Variants in ATP8A1 observed in about 807,000 individuals in gnomAD.
The protein encoded by ATP8A1 is phospholipid-transporting ATPase IA.
ATP8A1 carries 90 observed loss-of-function variants against 177.7 expected under a neutral mutation model. The ratio of observed to expected loss-of-function variants is 0.51; its 90% CI spans 0.43 to 0.60. The LOEUF (loss-of-function observed/expected upper bound fraction) is 0.60. ATP8A1 is among the 20% of genes least tolerant of loss of function. The pLI, the probability that ATP8A1 is intolerant of heterozygous loss-of-function variation, is 0.00. For missense variants in ATP8A1, 1,072 were observed against 1,392.8 expected (o/e 0.77, Z 3.67); for synonymous variants, 493 against 485.9 (o/e 1.01, Z -0.19).
chr4:42,605,507 C>T (rs1340580251), intron 5 of ATP8A1, among the ~76,000 whole-genome samples: 1 of 152,172 alleles, frequency 6.6e-6, no homozygotes, highest in Non-Finnish European at 1.5e-5. Flanking sequence ...TTCTCAGATC[C>T]AACAGATTAT....
chr4:42,555,222 A>G (rs867446079), intron 16 of ATP8A1, among the ~76,000 whole-genome samples: 10 of 148,736 alleles, frequency 6.7e-5, no homozygotes, highest in Non-Finnish European at 1.3e-4. Flanking sequence ...CCCCCCCTAG[A>G]GAACCCTAAT....
At chr4:42,624,991 T>C (rs983267645) in intron 3 of ATP8A1, 3 of 149,550 alleles carry the variant, frequency 2.0e-5, no homozygotes, top group African/African-American at 7.8e-5. Context: ...AACAAAACAA[T>C]AGGTATTCTA....
intron 33 of ATP8A1, among the ~76,000 whole-genome samples, chr4:42,435,969 C>A (rs886977406): frequency 6.6e-6 from 1 of 152,120 alleles, no homozygotes; most frequent in Non-Finnish European, 1.5e-5. Context: ...TTCTCCTTCC[C>A]ATTCCCTGGC....
chr4:42,569,268 TA>T, intron 14 of ATP8A1, 63 bp from the exon 15 acceptor site: 2 of 1,330,638 alleles, frequency 1.5e-6, no homozygotes, highest in East Asian at 2.5e-5. Context: ...GCTGGAAACA[TA>T]AAACCACGAA....
chr4:42,616,667 G>A (rs1012364128), intron 4 of ATP8A1, among the ~76,000 whole-genome samples: 2 of 152,070 alleles, frequency 1.3e-5, no homozygotes, highest in Admixed American at 6.5e-5. Flanking sequence ...ACTTGCAACC[G>A]AAAGCCATTG....
chr4:42,462,700 A>C (rs898102086), intron 27 of ATP8A1, among the ~76,000 whole-genome samples: 2 of 152,210 alleles, frequency 1.3e-5, no homozygotes, highest in African/African-American at 4.8e-5. Context: ...AGCTGTGAGA[A>C]GAGGGCCACT....
chr4:42,477,663 C>A (rs545274106), intron 25 of ATP8A1, among the ~76,000 whole-genome samples: 3 of 151,992 alleles, frequency 2.0e-5, no homozygotes, highest in African/African-American at 7.3e-5. Context: ...AGTGTAATAA[C>A]AAGCAGTGAT....
intron 1 of ATP8A1, among the ~76,000 whole-genome samples, chr4:42,627,572 C>T (rs1192267919): frequency 6.6e-6 from 1 of 152,166 alleles, no homozygotes; most frequent in Non-Finnish European, 1.5e-5. Flanking sequence ...AAATAGAGAA[C>T]TGCAACAATG....
At chr4:42,560,917 A>G (rs1038721275) in intron 15 of ATP8A1, among the ~76,000 whole-genome samples, 7 of 152,114 alleles carry the variant, frequency 4.6e-5, no homozygotes, top group Non-Finnish European at 1.0e-4. Flanking sequence ...TTCCCATTTA[A>G]CAAGTTTTAA....
chr4:42,540,213 A>C (rs1449229378), intron 20 of ATP8A1, among the ~76,000 whole-genome samples: 4 of 152,160 alleles, frequency 2.6e-5, no homozygotes, highest in African/African-American at 9.7e-5. Flanking sequence ...TCAGAGGCAA[A>C]TCAAAACCAC....
At chr4:42,531,714 A>C (rs2153201598) in intron 20 of ATP8A1, among the ~76,000 whole-genome samples, 1 of 152,364 alleles carries the variant, frequency 6.6e-6, no homozygotes, top group Admixed American at 6.5e-5. Context: ...GAATTCAGTC[A>C]AGTTGCAGGA....
intron 20 of ATP8A1, among the ~76,000 whole-genome samples, chr4:42,525,515 T>C (rs561733471): frequency 6.6e-6 from 1 of 152,364 alleles, no homozygotes; most frequent in South Asian, 2.1e-4. Context: ...TGTGTCACTT[T>C]AGCTTTAAGA....
intron 25 of ATP8A1, among the ~76,000 whole-genome samples, chr4:42,475,492 A>C (rs76389525): frequency 0.21 from 1,706 of 7,984 alleles, 15 homozygotes; most frequent in Non-Finnish European, 0.47. Flanking sequence ...AATATCAGAC[A>C]AAAAAAAAAA....
At chr4:42,477,709 C>T (rs1399383426) in intron 25 of ATP8A1, among the ~76,000 whole-genome samples, 1 of 151,320 alleles carries the variant, frequency 6.6e-6, no homozygotes, top group African/African-American at 2.4e-5. Flanking sequence ...CAGTGGCTCA[C>T]GCCTGTAATC....
At chr4:42,529,898 G>A (rs1047719821) in intron 20 of ATP8A1, among the ~76,000 whole-genome samples, 3 of 152,134 alleles carry the variant, frequency 2.0e-5, no homozygotes, top group African/African-American at 7.3e-5. Flanking sequence ...GTAGCCAATG[G>A]TTTGGCTGGA....
chr4:42,574,424 T>G (rs1404679215), intron 14 of ATP8A1, among the ~76,000 whole-genome samples, 195 bp downstream of exon 14: 1 of 152,110 alleles, frequency 6.6e-6, no homozygotes, highest in African/African-American at 2.4e-5. Flanking sequence ...ACCCACCTCA[T>G]GTCATCCCAA....
At chr4:42,632,167 T>C (rs1185112786) in intron 1 of ATP8A1, among the ~76,000 whole-genome samples, 2 of 152,216 alleles carry the variant, frequency 1.3e-5, no homozygotes, top group Non-Finnish European at 2.9e-5. Context: ...CACATTTGTA[T>C]AGCAGCTTCT....
chr4:42,493,865 GT>G (rs144408312), intron 24 of ATP8A1, among the ~76,000 whole-genome samples: 1,932 of 152,162 alleles, frequency 0.013, 45 homozygotes, highest in African/African-American at 0.044. Context: ...TCCAGGAAAG[GT>G]TAGTTCTGCC....
chr4:42,436,837 A>T (rs933015774), intron 33 of ATP8A1, among the ~76,000 whole-genome samples: 3 of 152,030 alleles, frequency 2.0e-5, no homozygotes, highest in Non-Finnish European at 2.9e-5. Flanking sequence ...ATCAATAAAG[A>T]CTCTTTTAAC....
Sources: allele counts gnomAD v4.1 joint callset (sites outside exome capture counted in the v4.1 genomes callset), GRCh38; gene constraint gnomAD v4.1.1; transcripts MANE v1.5; gene names NCBI Gene and HGNC (gene_info 2026-07-23, HGNC 2026-07-21).